Variants in ZNF804B observed in about 807,000 individuals in gnomAD.
The protein encoded by ZNF804B is zinc finger protein 804B.
Under a neutral mutation model 101.4 loss-of-function variants are expected in ZNF804B, and 80 were observed. The observed-to-expected ratio is 0.79, with a 90% confidence interval of 0.66 to 0.95. ZNF804B has a LOEUF of 0.95. Ranked by LOEUF, ZNF804B falls within the 40% of genes least tolerant of loss-of-function variation. ZNF804B has a pLI of 0.00. For synonymous variants in ZNF804B, 622 were observed against 558.8 expected, an observed-to-expected ratio of 1.11 and a Z score of -1.59; for missense variants, 1,673 against 1,561.9, an observed-to-expected ratio of 1.07 and a Z score of -1.20.
At chr7:88,871,105 C>T (rs60934624) in intron 1 of ZNF804B, among the ~76,000 whole-genome samples, 3 of 151,786 alleles carry the variant, frequency 2.0e-5, no homozygotes, top group Admixed American at 6.6e-5. Context: ...TTATTAAACC[C>T]GAGAACCATT....
chr7:89,178,940 T>C (rs1788249168), intron 1 of ZNF804B, among the ~76,000 whole-genome samples: 1 of 152,150 alleles, frequency 6.6e-6, no homozygotes, highest in South Asian at 2.1e-4. Flanking sequence ...CTGGAACAAT[T>C]GATTCTAAGA....
chr7:89,021,884 G>A (rs1303350017), intron 1 of ZNF804B, among the ~76,000 whole-genome samples: 2 of 152,166 alleles, frequency 1.3e-5, no homozygotes, highest in South Asian at 2.1e-4. Flanking sequence ...AGGGTCAGTA[G>A]GGAATGGGGA....
At position 89,333,723 on chromosome 7, in the gene ZNF804B, T is replaced by C. The variant is rs1239017476; in HGVS notation, c.741T>C (p.Asp247=). 1.2e-6 allele frequency: 2 copies of C among 1,613,482 alleles called. No homozygotes were observed. Among genetic ancestry groups the C allele is most frequent in the East Asian group, 2.2e-5 (1 of 44,858 alleles). The change falls in exon 4 of 4, where the codon GAT becomes GAC. Residue 247 remains aspartate, a synonymous_variant. Transcript: ENST00000333190. ...VFSENTEETH[D]CNKSPIYKTK... ...GTGAGAACACAGAAGAAACCCATGATTGTAACAAGTCACCCATTTATAAAA... is the reference window on the plus strand; with the variant it reads ...GTGAGAACACAGAAGAAACCCATGACTGTAACAAGTCACCCATTTATAAAA...
intron 3 of ZNF804B, among the ~76,000 whole-genome samples, chr7:89,332,264 A>G (rs1025725454): frequency 6.6e-6 from 1 of 151,798 alleles, no homozygotes; most frequent in East Asian, 1.9e-4. Flanking sequence ...AAGAATGGTA[A>G]AAGAAACCAA....
intron 2 of ZNF804B, among the ~76,000 whole-genome samples, chr7:89,258,084 A>G (rs1319335876): frequency 1.3e-5 from 2 of 152,072 alleles, no homozygotes; most frequent in Non-Finnish European, 2.9e-5. Flanking sequence ...AAAAAATACA[A>G]TAAAAATAAT....
At chr7:89,135,207 C>T (rs1790613063) in intron 1 of ZNF804B, among the ~76,000 whole-genome samples, 1 of 152,090 alleles carries the variant, frequency 6.6e-6, no homozygotes, top group Non-Finnish European at 1.5e-5. Flanking sequence ...AGATACTTTT[C>T]CTGATTTGTA....
chr7:88,785,370 A>G (rs1432335340), intron 1 of ZNF804B, among the ~76,000 whole-genome samples: 1 of 152,052 alleles, frequency 6.6e-6, no homozygotes, highest in Non-Finnish European at 1.5e-5. Flanking sequence ...AAAGGACACT[A>G]TAGGAGTCTG....
At chr7:89,191,483 G>A (rs1057492069) in intron 1 of ZNF804B, among the ~76,000 whole-genome samples, 3 of 152,046 alleles carry the variant, frequency 2.0e-5, no homozygotes, top group East Asian at 1.9e-4. Flanking sequence ...CTGATAGAGT[G>A]TAAGAAATAG....
At chr7:89,196,851 A>G (rs908238696) in intron 1 of ZNF804B, among the ~76,000 whole-genome samples, 11 of 152,178 alleles carry the variant, frequency 7.2e-5, no homozygotes, top group African/African-American at 2.7e-4. Context: ...TGTACGATCA[A>G]CAAACATATG....
chr7:88,823,370 A>T (rs188017087), intron 1 of ZNF804B, among the ~76,000 whole-genome samples: 82 of 152,278 alleles, frequency 5.4e-4, no homozygotes, highest in African/African-American at 1.9e-3. Context: ...CCTGGACAGT[A>T]ATTTTTCCTG....
intron 1 of ZNF804B, among the ~76,000 whole-genome samples, chr7:88,900,933 C>T (rs1207241924): frequency 3.3e-5 from 5 of 151,592 alleles, no homozygotes; most frequent in Admixed American, 2.0e-4. Flanking sequence ...AGCCGTAGTA[C>T]ATACAGAATT....
At chr7:88,807,254 T>TA (rs1221695759) in intron 1 of ZNF804B, among the ~76,000 whole-genome samples, 5 of 152,324 alleles carry the variant, frequency 3.3e-5, no homozygotes, top group African/African-American at 1.2e-4. Context: ...TTAATTGGCA[T>TA]AATTTTACTA....
At chr7:88,814,447 AAC>A (rs66471769) in intron 1 of ZNF804B, among the ~76,000 whole-genome samples, 6,368 of 141,130 alleles carry the variant, frequency 0.045, 168 homozygotes, top group Middle Eastern at 0.091. Flanking sequence ...CCTCCCTTCA[AAC>A]ACACACACAC....
chr7:88,980,984 C>T (rs1348668050), intron 1 of ZNF804B, among the ~76,000 whole-genome samples: 4 of 152,048 alleles, frequency 2.6e-5, no homozygotes, highest in African/African-American at 9.7e-5. Context: ...TAGGAATCTA[C>T]TTGGCGCTCT....
At chr7:89,094,279 T>C (rs1789938582) in intron 1 of ZNF804B, among the ~76,000 whole-genome samples, 1 of 152,240 alleles carries the variant, frequency 6.6e-6, no homozygotes, top group African/African-American at 2.4e-5. Flanking sequence ...TCCCTTCTTC[T>C]GAATCAGTAC....
intron 3 of ZNF804B, 36 bp downstream of exon 3, chr7:89,327,510 C>T: frequency 6.3e-7 from 1 of 1,589,316 alleles, no homozygotes; most frequent in Non-Finnish European, 8.5e-7. Context: ...CTTCAAAACT[C>T]TCGTCAACCT....
rs548181996 is a variant in ZNF804B at position 89,287,019 on chromosome 7, A to G, written c.250-40325A>G. ...TCTCAGCCTACTCAATATGGACACAATGAGGATGAAGATTTTTATGGTGAT... is the reference window on the plus strand; with the variant it reads ...TCTCAGCCTACTCAATATGGACACAGTGAGGATGAAGATTTTTATGGTGAT... On this transcript the variant is annotated intron_variant, in intron 2 of 3. Coordinates refer to ENST00000333190, the MANE Select transcript of ZNF804B (RefSeq NM_181646.5). Among the ~76,000 whole-genome samples, 6 of 152,206 alleles carry G rather than the reference A, an allele frequency of 3.9e-5. No individual in the cohort carries two copies. The East Asian group carries it at 1.2e-3, about 29-fold the overall frequency.
rs1325682304 is a variant in ZNF804B at position 88,854,486 on chromosome 7, C to CTTTCTTTCT, written c.108+94402_108+94403insTTTCTTTCT. Among the ~76,000 whole-genome samples the CTTTCTTTCT allele has an allele frequency of 6.4e-5, 3 of 47,036 alleles. No individual in the cohort carries two copies. The Admixed American group carries it at 8.4e-4, about 13-fold the overall frequency. 30.9% of individuals were successfully genotyped at this position (47,036 alleles called of 152,430 possible). ...TTCTTTCTTTCTTTCTCTTTCCTTT[C>CTTTCTTTCT]CTTTCCTTTCCTTTCCTTTCCTTTC... On this transcript the variant is annotated intron_variant, in intron 1 of 3. Coordinates refer to ENST00000333190, the MANE Select transcript of ZNF804B (RefSeq NM_181646.5).
At chr7:88,867,382 T>C (rs925462266) in intron 1 of ZNF804B, among the ~76,000 whole-genome samples, 4 of 152,106 alleles carry the variant, frequency 2.6e-5, no homozygotes, top group Non-Finnish European at 5.9e-5. Flanking sequence ...AGCCACAGAG[T>C]CCAAAGACCA....
Sources: gnomAD v4.1 joint callset for allele counts (sites outside exome capture counted in the v4.1 genomes callset) on GRCh38, gnomAD v4.1.1 for gene constraint, MANE v1.5 for transcripts, NCBI Gene and HGNC (gene_info 2026-07-23, HGNC 2026-07-21) for gene names.